NTM: variants seen among roughly 807,000 people sequenced by gnomAD.
NTM encodes neurotrimin.
A neutral mutation model predicts 42.1 loss-of-function variants in NTM; 13 were observed. The observed-to-expected ratio is 0.31, with a 90% CI of 0.20 to 0.49. The LOEUF (loss-of-function observed/expected upper bound fraction) is 0.49. Ranked by LOEUF, NTM falls within the 20% of genes least tolerant of loss-of-function variation. The pLI is 0.99. For synonymous variants in NTM, 187 were observed against 179.2 expected, an observed-to-expected ratio of 1.04 and a Z score of -0.35; for missense variants, 373 against 452.8, an observed-to-expected ratio of 0.82 and a Z score of 1.60.
In NTM at chr11:132,327,081, A is replaced by AT. The variant is rs1321822080; in HGVS notation, c.935-3070dup. Among the ~76,000 whole-genome samples the AT allele has an allele frequency of 2.6e-5, 4 of 152,198 alleles. No homozygotes were observed. In the East Asian group the frequency reaches 7.7e-4, roughly 29 times the overall value. Reference sequence around the variant, plus strand: ...TGCTTCCCTTCTGCAAACAAAACAGATTGCATGTCACCTCTCCTATTAATA... The same window carrying AT: ...TGCTTCCCTTCTGCAAACAAAACAGATTTGCATGTCACCTCTCCTATTAATA... On this transcript the variant is annotated intron_variant, in intron 7 of 8. Coordinates refer to ENST00000683400, the MANE Select transcript of NTM (RefSeq NM_001352005.2).
intron 1 of NTM, among the ~76,000 whole-genome samples, chr11:131,563,341 T>A (rs1242642707): frequency 7.2e-5 from 11 of 151,904 alleles, no homozygotes; most frequent in South Asian, 2.1e-4. Context: ...GGAAAAAAAA[T>A]TACCATTTGT....
chr11:131,644,503 A>G (rs1219256805), intron 1 of NTM, among the ~76,000 whole-genome samples: 2 of 152,170 alleles, frequency 1.3e-5, no homozygotes. Context: ...CCTACTACTT[A>G]GCCTGCTCTT....
rs1301708936 is a variant in NTM at position 132,184,691 on chromosome 11, A to AT, written c.401-27325dup. On this transcript the variant is annotated intron_variant, in intron 3 of 8. Transcript: ENST00000683400. Reference sequence around the variant, plus strand: ...TTGGGCCACAAAGCTTCAAAACTGCATTTTTTCTTTTAAATGTAAATTTAG... The same window carrying AT: ...TTGGGCCACAAAGCTTCAAAACTGCATTTTTTTCTTTTAAATGTAAATTTAG... 4.6e-5 allele frequency among the ~76,000 whole-genome samples: 7 copies of AT among 152,262 alleles called. No individual in the cohort carries two copies. In the South Asian group the frequency reaches 8.3e-4, roughly 18 times the overall value.
At chr11:131,397,300 TC>T (rs1327876841) in intron 1 of NTM, among the ~76,000 whole-genome samples, 2 of 152,106 alleles carry the variant, frequency 1.3e-5, no homozygotes, top group Non-Finnish European at 2.9e-5. Context: ...GCTGAGAGGA[TC>T]CCTCAGGGCC....
intron 1 of NTM, among the ~76,000 whole-genome samples, chr11:131,907,082 C>T (rs1038382496): frequency 6.6e-6 from 1 of 152,176 alleles, no homozygotes; most frequent in African/African-American, 2.4e-5. Flanking sequence ...CCCTGCATTT[C>T]CCATCTTCTC....
Position 131,645,035 on chromosome 11 carries a change from C to T in NTM, c.83-266529C>T, listed in dbSNP as rs150483100. On this transcript the variant is annotated intron_variant, in intron 1 of 8. Transcript: ENST00000683400. ...GTCCACGTTTGGGGATCCTTGTACCCTGTGTCCACATAAAAATGTACCACA... is the reference window on the plus strand; with the variant it reads ...GTCCACGTTTGGGGATCCTTGTACCTTGTGTCCACATAAAAATGTACCACA... Among the ~76,000 whole-genome samples, 120 of 152,264 alleles carry T rather than the reference C, an allele frequency of 7.9e-4. 1 individual carries two copies. Among genetic ancestry groups the T allele is most frequent in the African/African-American group, 2.6e-3 (110 of 41,538 alleles).
intron 1 of NTM, chr11:131,660,414 A>T (rs1379498134): frequency 6.6e-6 from 3 of 454,770 alleles, no homozygotes; most frequent in Non-Finnish European, 1.3e-5. Context: ...GAGGAGGAAG[A>T]CTCAGAGCAG....
chr11:131,725,320 G>A (rs1205310346), intron 1 of NTM, among the ~76,000 whole-genome samples: 1 of 152,168 alleles, frequency 6.6e-6, no homozygotes, highest in African/African-American at 2.4e-5. Context: ...TTATATTCTA[G>A]CACAGTGAGA....
In NTM at chr11:132,222,043, A is replaced by G. The variant is rs530981754; in HGVS notation, c.526+9896A>G. ...GCACATTCTCACAGCATTCTTACAA[A>G]TTTACCCGCACCTGTGTCATCGCGC... On this transcript the variant is annotated intron_variant, in intron 4 of 8. Transcript: ENST00000683400. Among the ~76,000 whole-genome samples, 12 of 152,116 alleles carry G rather than the reference A, an allele frequency of 7.9e-5. No homozygotes were observed. In the South Asian group the frequency reaches 2.1e-3, roughly 26 times the overall value.
rs534865364 is a variant in NTM, at chr11:132,314,847, CA to C, written c.934+145del. 3.4e-4 allele frequency: 465 copies of C among 1,385,864 alleles called. 3 individuals are homozygous for C. In the African/African-American group the frequency reaches 5.9e-3, roughly 18 times the overall value. The allele number at this position is 1,385,864 out of a possible 1,614,324, so 85.8% of individuals were successfully genotyped here. ...AGGGAGGAAAAAAAAGAGAGAGACACAGAAAGAAATGGAGAGAGAGGGACAG... is the reference window on the plus strand; with the variant it reads ...AGGGAGGAAAAAAAAGAGAGAGACACGAAAGAAATGGAGAGAGAGGGACAG... On this transcript the variant is annotated intron_variant, in intron 7 of 8. Coordinates refer to ENST00000683400, the MANE Select transcript of NTM (RefSeq NM_001352005.2).
intron 2 of NTM, among the ~76,000 whole-genome samples, chr11:132,050,173 A>T (rs58795): frequency 6.6e-6 from 1 of 151,958 alleles, no homozygotes; most frequent in African/African-American, 2.4e-5. Context: ...AGGGTGAGGT[A>T]GGAGGGATGA....
At chr11:131,460,523 C>A (rs1951279032) in intron 1 of NTM, among the ~76,000 whole-genome samples, 1 of 152,132 alleles carries the variant, frequency 6.6e-6, no homozygotes, top group South Asian at 2.1e-4. Context: ...ATGCTCGATT[C>A]ATCACACCAG....
At chr11:131,459,961 T>A (rs763478341) in intron 1 of NTM, among the ~76,000 whole-genome samples, 10 of 152,040 alleles carry the variant, frequency 6.6e-5, no homozygotes, top group Non-Finnish European at 1.2e-4. Context: ...AAAACAATTG[T>A]CTCAAAGCAG....
chr11:131,596,794 G>A (rs1314893789), intron 1 of NTM, among the ~76,000 whole-genome samples: 1 of 152,192 alleles, frequency 6.6e-6, no homozygotes, highest in Non-Finnish European at 1.5e-5. Context: ...GTTCTCTAGA[G>A]GGACAGAACT....
At chr11:131,655,099 T>C (rs746667845) in intron 1 of NTM, among the ~76,000 whole-genome samples, 4 of 152,120 alleles carry the variant, frequency 2.6e-5, no homozygotes, top group African/African-American at 4.8e-5. Context: ...TTTGGCTGCA[T>C]GTTGGAATCA....
intron 7 of NTM, among the ~76,000 whole-genome samples, chr11:132,322,863 G>A (rs1288098607): frequency 6.9e-6 from 1 of 144,412 alleles, no homozygotes; most frequent in Non-Finnish European, 1.5e-5. Flanking sequence ...CTAGAACTCA[G>A]GATTAAGAAT....
In NTM at chr11:132,283,453, G is replaced by A. The variant is rs116031926; in HGVS notation, c.527-24236G>A. 8.9e-3 allele frequency among the ~76,000 whole-genome samples: 1,362 copies of A among 152,274 alleles called. 21 individuals carry two copies. The highest frequency in any genetic ancestry group is 0.03 in the African/African-American group (1,230 of 41,552). ...GGAGAAGCACAGATTCATTGTTCTAGTGCAGGGTTTGGTGCCTCATCGTCT... is the reference window on the plus strand; with the variant it reads ...GGAGAAGCACAGATTCATTGTTCTAATGCAGGGTTTGGTGCCTCATCGTCT... On this transcript the variant is annotated intron_variant, in intron 4 of 8. Coordinates refer to ENST00000683400, the MANE Select transcript of NTM (RefSeq NM_001352005.2).
chr11:132,238,077 T>C (rs2139156556), intron 4 of NTM, among the ~76,000 whole-genome samples: 1 of 152,244 alleles, frequency 6.6e-6, no homozygotes, highest in African/African-American at 2.4e-5. Flanking sequence ...TTTAATGAGG[T>C]AAACTACATT....
At chr11:131,483,677 CCAG>C (rs67239967) in intron 1 of NTM, among the ~76,000 whole-genome samples, 24,838 of 151,982 alleles carry the variant, frequency 0.16, 3,609 homozygotes, top group East Asian at 0.45. Context: ...AGTGAGAAAA[CCAG>C]CAGCAGCGAA....
Sources: allele counts gnomAD v4.1 joint callset (sites outside exome capture counted in the v4.1 genomes callset), GRCh38; gene constraint gnomAD v4.1.1; transcripts MANE v1.5; gene names NCBI Gene and HGNC (gene_info 2026-07-23, HGNC 2026-07-21).